The following ZRANB3 variants were observed in gnomAD, a reference collection of about 807,000 sequenced individuals.
ZRANB3 encodes zinc finger RANBP2-type containing 3, also known as DNA annealing helicase and endonuclease ZRANB3.
A neutral mutation model predicts 133.8 loss-of-function variants in ZRANB3; 125 were observed. That is an observed-to-expected ratio of 0.93 (90% CI 0.81 to 1.08). The LOEUF is 1.08. ZRANB3 is among the 50% of genes least tolerant of loss of function. The pLI is 0.00. For synonymous variants in ZRANB3, 387 were observed against 432.7 expected, an observed-to-expected ratio of 0.89 and a Z score of 1.31; for missense variants, 1,229 against 1,275.5, an observed-to-expected ratio of 0.96 and a Z score of 0.56.
chr2:135,261,334 T>C (rs1202570709), intron 12 of ZRANB3, among the ~76,000 whole-genome samples: 1 of 152,166 alleles, frequency 6.6e-6, no homozygotes, highest in Non-Finnish European at 1.5e-5. Context: ...TGAACATTTC[T>C]TAAACTGCAT....
At chr2:135,244,650 A>G (rs1421666224) in intron 12 of ZRANB3, among the ~76,000 whole-genome samples, 1 of 152,046 alleles carries the variant, frequency 6.6e-6, no homozygotes, top group Non-Finnish European at 1.5e-5. Flanking sequence ...CAAACAAAAC[A>G]ACTAAAGAAA....
At chr2:135,351,037 C>T (rs1053185396) in intron 4 of ZRANB3, among the ~76,000 whole-genome samples, 1 of 151,966 alleles carries the variant, frequency 6.6e-6, no homozygotes, top group African/African-American at 2.4e-5. Context: ...GCTATGATCC[C>T]AAATAAAGTT....
intron 2 of ZRANB3, among the ~76,000 whole-genome samples, chr2:135,477,113 G>A (rs1333556539): frequency 6.6e-6 from 1 of 151,976 alleles, no homozygotes; most frequent in African/African-American, 2.4e-5. Flanking sequence ...TTTAAATTTA[G>A]TGTTTAATTT....
In ZRANB3 at chr2:135,362,810, T is replaced by C. The variant is rs75964320; in HGVS notation, c.181-9182A>G. On this transcript the variant is annotated intron_variant, in intron 3 of 20. Coordinates refer to ENST00000264159, the MANE Select transcript of ZRANB3 (RefSeq NM_032143.4). ...CACTTGAGCAAACGTGTTTTAAGAATAGACATTTCTAGTGGCAGTTAGATG... is the reference window on the plus strand; with the variant it reads ...CACTTGAGCAAACGTGTTTTAAGAACAGACATTTCTAGTGGCAGTTAGATG... 2.4e-3 allele frequency among the ~76,000 whole-genome samples: 360 copies of C among 152,254 alleles called. 11 individuals are homozygous for C. The East Asian group carries it at 0.063, about 27-fold the overall frequency.
intron 2 of ZRANB3, among the ~76,000 whole-genome samples, chr2:135,439,283 CCA>C (rs1689678970): frequency 6.6e-6 from 1 of 152,098 alleles, no homozygotes; most frequent in Non-Finnish European, 1.5e-5. Flanking sequence ...ATTTTAACAT[CCA>C]GATAATAATT....
intron 2 of ZRANB3, among the ~76,000 whole-genome samples, chr2:135,471,215 A>T (rs890782921): frequency 2.0e-5 from 3 of 152,070 alleles, no homozygotes; most frequent in Admixed American, 2.0e-4. Context: ...AACATAGTGT[A>T]AAGAGAAAGT....
chr2:135,427,038 C>A (rs1689125850), intron 2 of ZRANB3, among the ~76,000 whole-genome samples: 2 of 150,294 alleles, frequency 1.3e-5, no homozygotes, highest in Admixed American at 1.3e-4. Context: ...AAACTCTCAA[C>A]AAACTAGGCA....
At chr2:135,344,563 C>T (rs1684832294) in intron 6 of ZRANB3, among the ~76,000 whole-genome samples, 1 of 152,068 alleles carries the variant, frequency 6.6e-6, no homozygotes, top group African/African-American at 2.4e-5. Flanking sequence ...TGGTGAAACC[C>T]CATCTCTAGT....
chr2:135,520,088 T>G (rs1181556803), intron 1 of ZRANB3, among the ~76,000 whole-genome samples: 1 of 151,828 alleles, frequency 6.6e-6, no homozygotes, highest in Non-Finnish European at 1.5e-5. Context: ...AATTCTTTTT[T>G]TTTTTTTTGT....
intron 3 of ZRANB3, among the ~76,000 whole-genome samples, chr2:135,383,079 T>C (rs1666103802): frequency 6.6e-6 from 1 of 152,070 alleles, no homozygotes; most frequent in African/African-American, 2.4e-5. Flanking sequence ...GACCCATCAG[T>C]GTGCTGTATT....
At chr2:135,439,332 C>G (rs1015913754) in intron 2 of ZRANB3, among the ~76,000 whole-genome samples, 1 of 148,284 alleles carries the variant, frequency 6.7e-6, no homozygotes, top group Non-Finnish European at 1.5e-5. Context: ...CTCTAATTAA[C>G]TCAATCTATA....
chr2:135,278,846 C>T (rs1315958937), intron 8 of ZRANB3, among the ~76,000 whole-genome samples: 3 of 152,042 alleles, frequency 2.0e-5, no homozygotes, highest in Admixed American at 1.3e-4. Context: ...GAATACTGAT[C>T]AAGCCAAAAT....
chr2:135,207,194 T>TAAATAAATAAA lies in ZRANB3; in HGVS notation c.3009+229_3009+239dup, dbSNP rs1558828189. Among the ~76,000 whole-genome samples, 1,408 of 141,098 alleles carry TAAATAAATAAA rather than the reference T, an allele frequency of 1.0e-2. 22 individuals are homozygous for TAAATAAATAAA. Among genetic ancestry groups the TAAATAAATAAA allele is most frequent in the African/African-American group, 0.039 (1,340 of 34,242 alleles). 92.6% of individuals were successfully genotyped at this position (141,098 alleles called of 152,430 possible). On this transcript the variant is annotated intron_variant, in intron 19 of 20. Coordinates refer to ENST00000264159, the MANE Select transcript of ZRANB3 (RefSeq NM_032143.4). Reference sequence around the variant, plus strand: ...AATAAATAAATAAATAAATAAATAATAAATAAATAAATAAATAAATAAAAT... The same window carrying TAAATAAATAAA: ...AATAAATAAATAAATAAATAAATAATAAATAAATAAAAAATAAATAAATAAATAAATAAAAT...
rs756568198 is a variant in ZRANB3, at chr2:135,230,756, C to T, written c.1711G>A (p.Val571Ile). ...TTCAATCTTTTCGTTTCAGGTTCAACATCACTTTCATAATCGATGATATCT... is the reference window on the plus strand; with the variant it reads ...TTCAATCTTTTCGTTTCAGGTTCAATATCACTTTCATAATCGATGATATCT... ...ARDIIDYESD[V>I]EPETKRLKLA... Residue 571 changes from valine (V) to isoleucine (I), a missense_variant, in exon 13 of 21, where the codon GTT becomes ATT. Coordinates refer to ENST00000264159, the MANE Select transcript of ZRANB3 (RefSeq NM_032143.4). 1 of 1,613,750 alleles carries T rather than the reference C, an allele frequency of 6.2e-7. No individual in the cohort carries two copies. Among genetic ancestry groups the T allele is most frequent in the Non-Finnish European group, 8.5e-7 (1 of 1,179,842 alleles).
chr2:135,364,918 A>C (rs1685860355), intron 3 of ZRANB3, among the ~76,000 whole-genome samples: 1 of 151,974 alleles, frequency 6.6e-6, no homozygotes. Flanking sequence ...GCGTGGTGGC[A>C]CACACCTGTA....
intron 1 of ZRANB3, chr2:135,512,008 G>A (rs773321844): frequency 4.6e-6 from 3 of 652,868 alleles, no homozygotes; most frequent in Non-Finnish European, 8.5e-6. Context: ...GGCTGAGCTG[G>A]AGAGGAACTA....
At chr2:135,430,180 A>C (rs1048924552) in intron 2 of ZRANB3, among the ~76,000 whole-genome samples, 1 of 152,088 alleles carries the variant, frequency 6.6e-6, no homozygotes, top group Non-Finnish European at 1.5e-5. Flanking sequence ...TGTCTCAAAA[A>C]AAAACAAAAA....
At chr2:135,323,703 AAATACTCAATAAAC>A (rs1683654442) in intron 6 of ZRANB3, among the ~76,000 whole-genome samples, 1 of 152,176 alleles carries the variant, frequency 6.6e-6, no homozygotes, top group Non-Finnish European at 1.5e-5. Context: ...AAAAACTCTC[AAATACTCAATAAAC>A]TAGAATTAGA....
intron 8 of ZRANB3, among the ~76,000 whole-genome samples, chr2:135,280,033 A>T (rs1347061132): frequency 6.6e-6 from 1 of 152,218 alleles, no homozygotes; most frequent in Admixed American, 6.5e-5. Flanking sequence ...GCATCATCAG[A>T]TTTTAAATTA....
Sources: allele counts gnomAD v4.1 joint callset (sites outside exome capture counted in the v4.1 genomes callset), GRCh38; gene constraint gnomAD v4.1.1; transcripts MANE v1.5; gene names NCBI Gene and HGNC (gene_info 2026-07-23, HGNC 2026-07-21).